The following CUEDC1 variants were observed in gnomAD, a reference collection of about 807,000 sequenced individuals.
The protein encoded by CUEDC1 is CUE domain containing 1.
In CUEDC1, 30 loss-of-function variants were observed where a neutral mutation model predicts 43.7. That is an observed-to-expected ratio of 0.69 (90% CI 0.51 to 0.93). The LOEUF (loss-of-function observed/expected upper bound fraction) is 0.93, where lower values mean the gene tolerates loss of function less well. Among genes scored for constraint, CUEDC1 ranks in the 40% least tolerant of loss-of-function variants. The pLI, the probability that CUEDC1 is intolerant of heterozygous loss-of-function variation, is 0.00. For missense variants in CUEDC1, 486 were observed against 549.0 expected (o/e 0.89, Z 1.15); for synonymous variants, 223 against 223.6 (o/e 1.00, Z 0.02).
intron 1 of CUEDC1, among the ~76,000 whole-genome samples, chr17:57,895,522 A>C (rs2144991176): frequency 6.6e-6 from 1 of 152,292 alleles, no homozygotes; most frequent in Non-Finnish European, 1.5e-5. Context: ...CATCCTACTG[A>C]AGTTGTCAAG....
At position 57,899,132 on chromosome 17, in the gene CUEDC1, C is replaced by A. The variant is rs114532203; in HGVS notation, c.-315-13253G>T. Among the ~76,000 whole-genome samples, 432 of 152,282 alleles carry A rather than the reference C, an allele frequency of 2.8e-3. 1 individual carries two copies. Among genetic ancestry groups the A allele is most frequent in the African/African-American group, 0.01 (416 of 41,558 alleles). On this transcript the variant is annotated intron_variant, in intron 1 of 10. Coordinates refer to ENST00000577830, the MANE Select transcript of CUEDC1 (RefSeq NM_001271875.2). ...GCTTCAAAAGAGCAGGCAGCAGCTG[C>A]GGCTGGGAGGCCGCCCGCCTCAGGC...
At chr17:57,935,403 A>ACACACACACT (rs2074851276) in intron 1 of CUEDC1, among the ~76,000 whole-genome samples, 1 of 97,060 alleles carries the variant, frequency 1.0e-5, no homozygotes, top group African/African-American at 4.6e-5. Flanking sequence ...ACACACACAC[A>ACACACACACT]CAAACACACA....
Position 57,942,982 on chromosome 17 carries a change from C to G in CUEDC1, c.-316+12243G>C, listed in dbSNP as rs1051014611. ...GGCGGAGCTTGCAGTGAGCCGAGATCGCGCCACTGCACTCCAGCCTGGGTG... is the reference window on the plus strand; with the variant it reads ...GGCGGAGCTTGCAGTGAGCCGAGATGGCGCCACTGCACTCCAGCCTGGGTG... On this transcript the variant is annotated intron_variant, in intron 1 of 10. Coordinates refer to ENST00000577830, the MANE Select transcript of CUEDC1 (RefSeq NM_001271875.2). Among the ~76,000 whole-genome samples the G allele has an allele frequency of 1.1e-4, 17 of 152,170 alleles. No homozygotes were observed. In the East Asian group the frequency reaches 1.8e-3, roughly 16 times the overall value.
chr17:57,948,623 C>T (rs1457753181), intron 1 of CUEDC1, among the ~76,000 whole-genome samples: 2 of 152,208 alleles, frequency 1.3e-5, no homozygotes, highest in Non-Finnish European at 2.9e-5. Context: ...GGGGCCTCTA[C>T]TTCATCTTCC....
At chr17:57,896,054 G>A (rs569516641) in intron 1 of CUEDC1, among the ~76,000 whole-genome samples, 1 of 152,284 alleles carries the variant, frequency 6.6e-6, no homozygotes, top group East Asian at 1.9e-4. Context: ...ACATGCCCAG[G>A]TAATCCGGGT....
chr17:57,949,330 AG>A (rs1385914803), intron 1 of CUEDC1, among the ~76,000 whole-genome samples: 1 of 152,188 alleles, frequency 6.6e-6, no homozygotes, highest in Non-Finnish European at 1.5e-5. Flanking sequence ...TCTTGAAGGC[AG>A]GGGCCATGGC....
chr17:57,914,376 C>G (rs1430676139), intron 1 of CUEDC1, among the ~76,000 whole-genome samples: 1 of 152,216 alleles, frequency 6.6e-6, no homozygotes, highest in Admixed American at 6.5e-5. Context: ...CTTGGGGGGT[C>G]GGGAGGAGCT....
intron 1 of CUEDC1, among the ~76,000 whole-genome samples, chr17:57,899,330 T>G (rs905124833): frequency 1.3e-5 from 2 of 152,136 alleles, no homozygotes; most frequent in Non-Finnish European, 2.9e-5. Context: ...GCGATCCCCT[T>G]GCACAGTCAG....
intron 2 of CUEDC1, among the ~76,000 whole-genome samples, chr17:57,883,770 G>C (rs2074248203): frequency 6.6e-6 from 1 of 152,096 alleles, no homozygotes; most frequent in Non-Finnish European, 1.5e-5. Flanking sequence ...TACATCTAAA[G>C]CACTTAGGAT....
chr17:57,952,279 T>C (rs1004589601), intron 1 of CUEDC1, among the ~76,000 whole-genome samples: 1 of 151,736 alleles, frequency 6.6e-6, no homozygotes, highest in Admixed American at 6.6e-5. Context: ...CAGGTTGGAG[T>C]GCAATGGCAC....
At chr17:57,880,202 T>G (rs2074185107) in intron 2 of CUEDC1, among the ~76,000 whole-genome samples, 1 of 152,178 alleles carries the variant, frequency 6.6e-6, no homozygotes, top group South Asian at 2.1e-4. Context: ...TGCGTGTGAC[T>G]CATGTGCTCC....
chr17:57,901,986 C>G (rs1486109410), intron 1 of CUEDC1, among the ~76,000 whole-genome samples: 1 of 152,090 alleles, frequency 6.6e-6, no homozygotes, highest in Non-Finnish European at 1.5e-5. Flanking sequence ...TCGGCCTGGA[C>G]AACATGGTGA....
intron 1 of CUEDC1, among the ~76,000 whole-genome samples, chr17:57,919,731 C>T (rs1033264604): frequency 2.0e-5 from 3 of 152,188 alleles, no homozygotes; most frequent in Admixed American, 1.3e-4. Flanking sequence ...CTGTGTGGCT[C>T]AGAAGGTTAA....
At chr17:57,863,673 G>A (rs547691536) in intron 10 of CUEDC1, among the ~76,000 whole-genome samples, 1 of 152,264 alleles carries the variant, frequency 6.6e-6, no homozygotes, top group South Asian at 2.1e-4. Flanking sequence ...AACTTGGTAG[G>A]ACTCAGACAC....
At chr17:57,945,304 G>A (rs1412885973) in intron 1 of CUEDC1, among the ~76,000 whole-genome samples, 3 of 152,212 alleles carry the variant, frequency 2.0e-5, no homozygotes, top group Non-Finnish European at 2.9e-5. Flanking sequence ...TCTTCCAGCA[G>A]AGGCAACCAA....
At chr17:57,912,284 C>G (rs1183951122) in intron 1 of CUEDC1, 1 of 152,224 alleles carries the variant, frequency 6.6e-6, no homozygotes, top group Non-Finnish European at 1.5e-5. Context: ...CCCAGCTAAG[C>G]CACCCTGGAC....
At chr17:57,919,296 C>T (rs188793857) in intron 1 of CUEDC1, among the ~76,000 whole-genome samples, 2 of 152,296 alleles carry the variant, frequency 1.3e-5, no homozygotes, top group Admixed American at 1.3e-4. Context: ...TCTCCTGCCT[C>T]AGCCTCCCAA....
chr17:57,923,665 C>T (rs1567718872), intron 1 of CUEDC1, among the ~76,000 whole-genome samples: 1 of 152,166 alleles, frequency 6.6e-6, no homozygotes, highest in Admixed American at 6.5e-5. Flanking sequence ...CAGGAGCTGG[C>T]AAAGTAAAGG....
At chr17:57,883,490 G>A (rs2074243986) in intron 2 of CUEDC1, among the ~76,000 whole-genome samples, 1 of 152,196 alleles carries the variant, frequency 6.6e-6, no homozygotes, top group Admixed American at 6.5e-5. Flanking sequence ...TTGGGAGGCC[G>A]AGGCGGGCAG....
Sources: allele counts gnomAD v4.1 joint callset (sites outside exome capture counted in the v4.1 genomes callset), GRCh38; gene constraint gnomAD v4.1.1; transcripts MANE v1.5; gene names NCBI Gene and HGNC (gene_info 2026-07-23, HGNC 2026-07-21).